Variants in RASL12 observed in about 807,000 individuals in gnomAD.
RASL12 encodes the protein RAS like family 12.
Under a neutral mutation model 22.9 loss-of-function variants are expected in RASL12, and 16 were observed. That is an observed-to-expected ratio of 0.70 (90% CI 0.47 to 1.06). The LOEUF (loss-of-function observed/expected upper bound fraction) is 1.06. Among genes scored for constraint, RASL12 ranks in the 50% least tolerant of loss-of-function variants. RASL12 has a pLI of 0.00. For missense variants in RASL12, 306 were observed against 353.1 expected, an observed-to-expected ratio of 0.87 and a Z score of 1.07; for synonymous variants, 159 against 152.2, an observed-to-expected ratio of 1.04 and a Z score of -0.33.
chr15:65,070,550 A>C (rs2086924417), upstream of RASL12, among the ~76,000 whole-genome samples: 1 of 152,204 alleles, frequency 6.6e-6, no homozygotes, highest in Admixed American at 6.5e-5. Context: ...GGAGGCCCCC[A>C]GGCACTCAAA....
chr15:65,047,104 C>T, the RASL12 span, among the ~76,000 whole-genome samples: 1 of 151,864 alleles, frequency 6.6e-6, no homozygotes, highest in Non-Finnish European at 1.5e-5. Flanking sequence ...CACCTGTAAT[C>T]CCAGCACTTT....
upstream of RASL12, among the ~76,000 whole-genome samples, chr15:65,070,341 G>A (rs1300295549): frequency 6.6e-6 from 1 of 152,228 alleles, no homozygotes; most frequent in Non-Finnish European, 1.5e-5. Flanking sequence ...CTTGGCCCAT[G>A]GCCCAAGGAA....
downstream of RASL12, among the ~76,000 whole-genome samples, chr15:65,048,904 G>C (rs998545905): frequency 4.0e-5 from 6 of 151,810 alleles, no homozygotes; most frequent in African/African-American, 1.5e-4. Flanking sequence ...CAGCTACTTA[G>C]GAGGCTGAGA....
chr15:65,068,068 G>T, upstream of RASL12: 1 of 1,081,334 alleles, frequency 9.2e-7, no homozygotes, highest in Non-Finnish European at 1.1e-6. This position sits in a 1 kb window ranked among gnomAD's most constrained non-coding sequence, Gnocchi z 4.2. Context: ...TCCTTGTAAG[G>T]GCTGCGGAGC....
upstream of RASL12, among the ~76,000 whole-genome samples, chr15:65,071,584 T>A (rs544157122): frequency 3.3e-5 from 5 of 151,870 alleles, no homozygotes; most frequent in East Asian, 9.7e-4. Context: ...AGAAACTGGG[T>A]GGGTGCCCGA....
downstream of RASL12, among the ~76,000 whole-genome samples, chr15:65,051,806 C>G (rs2086657225): frequency 6.6e-6 from 1 of 151,928 alleles, no homozygotes; most frequent in Non-Finnish European, 1.5e-5. Context: ...GCAACAGTCC[C>G]TGATTACCAC....
chr15:65,056,226 G>A (rs1216890672), intron 4 of RASL12, among the ~76,000 whole-genome samples: 1 of 152,152 alleles, frequency 6.6e-6, no homozygotes, highest in Non-Finnish European at 1.5e-5. Context: ...GAGGATAATG[G>A]CACAGCCACT....
rs1452372992 is a variant in RASL12 at position 65,053,442 on chromosome 15, A to C, written c.*1457T>G. The C allele has an allele frequency of 3.3e-6, 4 of 1,211,344 alleles. No homozygotes were observed. Among genetic ancestry groups the C allele is most frequent in the Admixed American group, 8.5e-5 (2 of 23,620 alleles). 75.0% of individuals were successfully genotyped at this position (1,211,344 alleles called of 1,614,324 possible). ...TGGTACACACACACATACACACACA[A>C]GTGGCCTGGAGCAAAAGTGCAAAAT... On this transcript the variant is annotated 3_prime_UTR_variant, in exon 5 of 5. Coordinates refer to ENST00000220062, the MANE Select transcript of RASL12 (RefSeq NM_016563.4).
At chr15:65,049,748 G>T, downstream of RASL12, 1 of 379,050 alleles carries the variant, frequency 2.6e-6, no homozygotes, top group Non-Finnish European at 4.8e-6. Flanking sequence ...CCCACTTCCA[G>T]TCTCTGCCCC....
intron 4 of RASL12, among the ~76,000 whole-genome samples, chr15:65,055,673 G>T (rs944279181): frequency 6.6e-6 from 1 of 152,110 alleles, no homozygotes; most frequent in African/African-American, 2.4e-5. Flanking sequence ...GGGTCCCTGG[G>T]GCAGGAAACA....
downstream of RASL12, among the ~76,000 whole-genome samples, chr15:65,050,833 C>CTTTTTTTT (rs67418433): frequency 7.9e-5 from 7 of 88,592 alleles, no homozygotes; most frequent in African/African-American, 9.0e-5. Flanking sequence ...TCTTCTTCTT[C>CTTTTTTTT]TTCTTTTTTT....
downstream of RASL12, chr15:65,052,906 G>A (rs568991022): frequency 5.5e-5 from 85 of 1,536,668 alleles, no homozygotes; most frequent in South Asian, 7.9e-4. Flanking sequence ...CCATTTGGGC[G>A]ACCCAGTCCT....
At position 65,058,637 on chromosome 15, in the gene RASL12, C is replaced by T. The variant is rs1000219308; in HGVS notation, c.235-20G>A. 6.8e-7 allele frequency: 1 copy of T among 1,476,056 alleles called. No homozygotes were observed. Among genetic ancestry groups the T allele is most frequent in the African/African-American group, 1.4e-5 (1 of 71,188 alleles). The allele number at this position is 1,476,056 out of a possible 1,614,324, so 91.4% of individuals were successfully genotyped here. Reference sequence around the variant, plus strand: ...GGTGTCCTGGGGTGAAGGTGAGAAGCCCCGCCGGGGGGCAGAGGAGGTTGG... The same window carrying T: ...GGTGTCCTGGGGTGAAGGTGAGAAGTCCCGCCGGGGGGCAGAGGAGGTTGG... On this transcript the variant is annotated intron_variant, in intron 3 of 4. Coordinates refer to ENST00000220062, the MANE Select transcript of RASL12 (RefSeq NM_016563.4).
chr15:65,070,313 CAT>C (rs2086922632), upstream of RASL12, among the ~76,000 whole-genome samples: 1 of 152,190 alleles, frequency 6.6e-6, no homozygotes, highest in South Asian at 2.1e-4. Context: ...TATTAGATAA[CAT>C]GTGTCCTATC....
chr15:65,073,541 G>A (rs896175020), intron 1 of RASL12, among the ~76,000 whole-genome samples: 5 of 152,256 alleles, frequency 3.3e-5, no homozygotes, highest in African/African-American at 1.2e-4. Context: ...AGGATGGGGA[G>A]CGGCTGTAAA....
At chr15:65,072,725 G>C (rs2086940347), upstream of RASL12, among the ~76,000 whole-genome samples, 1 of 152,182 alleles carries the variant, frequency 6.6e-6, no homozygotes, top group African/African-American at 2.4e-5. Context: ...CAGGAGGCCT[G>C]AGGCTGTCTG....
In RASL12 at chr15:65,055,113, A is replaced by T. The variant is rs1449284895; in HGVS notation, c.587T>A (p.Leu196His). The T allele has an allele frequency of 1.2e-6, 2 of 1,611,024 alleles. No homozygotes were observed. Among genetic ancestry groups the T allele is most frequent in the East Asian group, 2.2e-5 (1 of 44,836 alleles). The change falls in exon 5 of 5, where the codon CTC becomes CAC. Residue 196 changes from leucine to histidine, a missense_variant. Physicochemically the swap from Leu to His is moderately conservative, Grantham distance 99 (BLOSUM62 -3). Transcript: ENST00000220062. Reference protein sequence around the residue: ...ELEKSPLTRPLFISEERALPH... With the variant: ...ELEKSPLTRPHFISEERALPH... ...CAGGGCCCTCTCCTCGGAGATGAAG[A>T]GGGGCCGGGTCAGGGGGCTCTTCTC...
At chr15:65,068,245 G>A (rs1040509919), upstream of RASL12, 96 of 987,946 alleles carry the variant, frequency 9.7e-5, no homozygotes, top group Non-Finnish European at 1.1e-4. This position sits in a 1 kb window ranked among gnomAD's most constrained non-coding sequence, Gnocchi z 4.2. Context: ...GGGGGAGAGA[G>A]GGGAAGGATG....
chr15:65,049,831 A>T, downstream of RASL12: 1 of 462,196 alleles, frequency 2.2e-6, no homozygotes, highest in Non-Finnish European at 3.8e-6. Flanking sequence ...GGAGATCTGG[A>T]TTTGGGCACA....
Sources: gnomAD v4.1 joint callset for allele counts (sites outside exome capture counted in the v4.1 genomes callset) on GRCh38, gnomAD v4.1.1 for gene constraint, Gnocchi (gnomAD v3.1) non-coding constraint, MANE v1.5 for transcripts, NCBI Gene and HGNC (gene_info 2026-07-23, HGNC 2026-07-21) for gene names.